DCC: variants seen among roughly 807,000 people sequenced by gnomAD.
DCC encodes DCC netrin 1 receptor, also known as netrin receptor DCC.
A neutral mutation model predicts 172.5 loss-of-function variants in DCC; 58 were observed. The observed-to-expected ratio is 0.34, with a 90% CI of 0.27 to 0.42. The LOEUF is 0.42. Among genes scored for constraint, DCC ranks in the 10% least tolerant of loss-of-function variants. DCC has a pLI of 1.00. For synonymous variants in DCC, 709 were observed against 644.5 expected, an observed-to-expected ratio of 1.10 and a Z score of -1.52; for missense variants, 1,740 against 1,791.0, an observed-to-expected ratio of 0.97 and a Z score of 0.51.
intron 7 of DCC, among the ~76,000 whole-genome samples, chr18:53,103,812 G>A (rs914317218): frequency 1.3e-5 from 2 of 151,932 alleles, no homozygotes; most frequent in African/African-American, 4.8e-5. Context: ...AATATTCTCA[G>A]TAGGAAAAGG....
At chr18:52,961,951 A>G (rs981515777) in intron 5 of DCC, among the ~76,000 whole-genome samples, 7 of 152,220 alleles carry the variant, frequency 4.6e-5, no homozygotes, top group Non-Finnish European at 7.3e-5. Context: ...TTATACAAAC[A>G]TTAATTCAAG....
At chr18:53,168,577 G>T (rs531277037) in intron 8 of DCC, among the ~76,000 whole-genome samples, 1 of 135,286 alleles carries the variant, frequency 7.4e-6, no homozygotes, top group Non-Finnish European at 1.6e-5. Flanking sequence ...GGGCGGGCGG[G>T]GGGGCTAGGG....
At chr18:52,698,337 A>C (rs2036046866) in intron 1 of DCC, among the ~76,000 whole-genome samples, 1 of 152,126 alleles carries the variant, frequency 6.6e-6, no homozygotes, top group Non-Finnish European at 1.5e-5. Flanking sequence ...TGCTTCTTTA[A>C]CTTTGGAAAG....
intron 19 of DCC, among the ~76,000 whole-genome samples, chr18:53,408,774 G>T (rs911564889): frequency 2.6e-5 from 4 of 152,022 alleles, no homozygotes; most frequent in African/African-American, 9.7e-5. Flanking sequence ...ACGCAGATTT[G>T]GGAAATACCA....
chr18:52,630,966 T>C (rs2034664179), intron 1 of DCC, among the ~76,000 whole-genome samples: 1 of 152,104 alleles, frequency 6.6e-6, no homozygotes, highest in East Asian at 1.9e-4. Context: ...TGGCTAGCTG[T>C]CCATTTTCAA....
chr18:53,039,459 T>C (rs1350878468), intron 5 of DCC, among the ~76,000 whole-genome samples: 1 of 152,074 alleles, frequency 6.6e-6, no homozygotes, highest in African/African-American at 2.4e-5. Flanking sequence ...AAGGTCTATG[T>C]TGTACTTTCG....
intron 27 of DCC, among the ~76,000 whole-genome samples, chr18:53,516,394 G>A (rs1350559591): frequency 3.4e-5 from 5 of 145,958 alleles, no homozygotes; most frequent in Admixed American, 3.3e-4. Context: ...GCATGGGCAA[G>A]GACTTCATGT....
intron 15 of DCC, among the ~76,000 whole-genome samples, chr18:53,341,899 CT>C (rs1252283546): frequency 2.6e-5 from 4 of 152,058 alleles, no homozygotes; most frequent in Admixed American, 6.5e-5. Flanking sequence ...GTATTTATAA[CT>C]TTTTTTAATT....
At chr18:53,340,226 T>C (rs887358671) in intron 15 of DCC, among the ~76,000 whole-genome samples, 23 of 152,304 alleles carry the variant, frequency 1.5e-4, no homozygotes, top group Admixed American at 1.0e-3. Context: ...ATTTTTCTTT[T>C]TCCAGTGGTC....
chr18:52,358,659 C>T (rs1345886879), intron 1 of DCC, among the ~76,000 whole-genome samples: 1 of 152,174 alleles, frequency 6.6e-6, no homozygotes, highest in African/African-American at 2.4e-5. Flanking sequence ...CTGATACTCT[C>T]CACCCTCTAA....
chr18:52,655,541 T>C (rs1286592692), intron 1 of DCC, among the ~76,000 whole-genome samples: 1 of 152,142 alleles, frequency 6.6e-6, no homozygotes, highest in East Asian at 1.9e-4. Flanking sequence ...GATATGGATA[T>C]TGTTTTACTT....
intron 14 of DCC, among the ~76,000 whole-genome samples, chr18:53,330,496 T>G (rs1156520876): frequency 1.3e-5 from 2 of 152,166 alleles, no homozygotes; most frequent in African/African-American, 4.8e-5. Flanking sequence ...GCCTCAGGTT[T>G]GCTATTTTTC....
At chr18:53,172,244 C>G (rs1256513367) in intron 8 of DCC, among the ~76,000 whole-genome samples, 2 of 152,200 alleles carry the variant, frequency 1.3e-5, no homozygotes, top group East Asian at 3.9e-4. Flanking sequence ...ACTACATGTT[C>G]TCACTTATAA....
At chr18:53,459,602 A>G in intron 24 of DCC, 144 bp downstream of exon 24, 1 of 683,550 alleles carries the variant, frequency 1.5e-6, no homozygotes, top group Non-Finnish European at 2.7e-6. Context: ...TCTAATATAA[A>G]TTTGGTTGAT....
At chr18:53,237,826 G>A (rs913807582) in intron 12 of DCC, among the ~76,000 whole-genome samples, 1 of 151,964 alleles carries the variant, frequency 6.6e-6, no homozygotes, top group Non-Finnish European at 1.5e-5. Context: ...CGAGCTGCTG[G>A]CATTAAGCAT....
At chr18:53,485,582 CTTCATTT>C (rs1425822558) in intron 25 of DCC, among the ~76,000 whole-genome samples, 1 of 152,032 alleles carries the variant, frequency 6.6e-6, no homozygotes, top group Non-Finnish European at 1.5e-5. Context: ...AACAGTCTGA[CTTCATTT>C]TTCAGTTTAA....
chr18:53,529,028 T>TCACA (rs1204765692), intron 28 of DCC, among the ~76,000 whole-genome samples: 3 of 65,388 alleles, frequency 4.6e-5, no homozygotes, highest in African/African-American at 2.3e-4. Context: ...TCTCTCTCTC[T>TCACA]CTCTCTCTCT....
At chr18:53,523,262 C>T (rs916653849) in intron 27 of DCC, among the ~76,000 whole-genome samples, 3 of 152,076 alleles carry the variant, frequency 2.0e-5, no homozygotes, top group African/African-American at 7.2e-5. Flanking sequence ...AGTCAGGAAA[C>T]AACAGATGCT....
rs1164563304 is a variant in DCC at position 53,180,165 on chromosome 18, AG to A, written c.1573+1050del. Among the ~76,000 whole-genome samples the A allele has an allele frequency of 2.2e-4, 33 of 152,300 alleles. 1 individual carries two copies. Among genetic ancestry groups the A allele is most frequent in the Admixed American group, 1.4e-3 (22 of 15,284 alleles). On this transcript the variant is annotated intron_variant, in intron 9 of 28. Transcript: ENST00000442544. Reference sequence around the variant, plus strand: ...TTTAAATCAGCAAGTCGAAGAAGAGAGAGCAGGAGATACAGTCTGAGTGCAC... The same window carrying A: ...TTTAAATCAGCAAGTCGAAGAAGAGAAGCAGGAGATACAGTCTGAGTGCAC...
Sources: gnomAD v4.1 joint callset for allele counts (sites outside exome capture counted in the v4.1 genomes callset) on GRCh38, gnomAD v4.1.1 for gene constraint, MANE v1.5 for transcripts, NCBI Gene and HGNC (gene_info 2026-07-23, HGNC 2026-07-21) for gene names.